ELAPOR1: variants seen among roughly 807,000 people sequenced by gnomAD.
ELAPOR1 encodes the protein endosome-lysosome associated apoptosis and autophagy regulator 1.
ELAPOR1 carries 77 observed loss-of-function variants against 119.7 expected under a neutral mutation model. That is an observed-to-expected ratio of 0.64 (90% CI 0.54 to 0.78). The LOEUF (loss-of-function observed/expected upper bound fraction) is 0.78, where lower values mean the gene tolerates loss of function less well. Among genes scored for constraint, ELAPOR1 ranks in the 30% least tolerant of loss-of-function variants. The probability of loss-of-function intolerance (pLI) is 0.00; values close to 1 mark genes in which losing one functional copy is unlikely to be tolerated. For missense variants in ELAPOR1, 1,115 were observed against 1,270.4 expected, an observed-to-expected ratio of 0.88 and a Z score of 1.86; for synonymous variants, 481 against 487.2, an observed-to-expected ratio of 0.99 and a Z score of 0.17.
intron 1 of ELAPOR1, among the ~76,000 whole-genome samples, chr1:109,159,300 A>G (rs953246140): frequency 1.3e-5 from 2 of 152,190 alleles, no homozygotes; most frequent in Admixed American, 1.3e-4. Flanking sequence ...CATGAAGTAA[A>G]TGAGCATATA....
intron 7 of ELAPOR1, among the ~76,000 whole-genome samples, chr1:109,178,602 T>G (rs1025218014): frequency 3.3e-5 from 5 of 152,170 alleles, no homozygotes; most frequent in African/African-American, 9.7e-5. Context: ...GAAAAGGAAA[T>G]GTGGTTATAT....
At chr1:109,137,783 C>T (rs1009361946) in intron 1 of ELAPOR1, among the ~76,000 whole-genome samples, 5 of 152,292 alleles carry the variant, frequency 3.3e-5, no homozygotes, top group Admixed American at 6.5e-5. Context: ...CCGCCTCGGC[C>T]CCCCAAAGTG....
chr1:109,114,631 C>T (rs1423886859), intron 1 of ELAPOR1, among the ~76,000 whole-genome samples: 1 of 151,926 alleles, frequency 6.6e-6, no homozygotes, highest in Non-Finnish European at 1.5e-5. Context: ...GGGAGGCAGA[C>T]GAGTTATTTT....
At chr1:109,136,337 A>G (rs1468365782) in intron 1 of ELAPOR1, among the ~76,000 whole-genome samples, 6 of 152,144 alleles carry the variant, frequency 3.9e-5, no homozygotes, top group African/African-American at 1.4e-4. Flanking sequence ...TGAGAGTTGG[A>G]GTTATGCTGC....
In ELAPOR1 at chr1:109,194,449, C is replaced by A. The variant is rs1419584636; in HGVS notation, c.1976C>A (p.Thr659Asn). 2.5e-6 allele frequency: 4 copies of A among 1,613,750 alleles called. No individual in the cohort carries two copies. The highest frequency in any genetic ancestry group is 3.4e-6 in the Non-Finnish European group (4 of 1,179,726). The change falls in exon 15 of 22, where the codon ACC becomes AAC. Residue 659 changes from threonine to asparagine, a missense_variant. Physicochemically the swap from Thr to Asn is moderately conservative, Grantham distance 65 (BLOSUM62 0). Coordinates refer to ENST00000369939, the MANE Select transcript of ELAPOR1 (RefSeq NM_020775.5). ...CACTCTCTGTGCTACAACGATTGCA[C>A]CTTCTCACGCAACACTCCGACCAGG... Reference protein sequence around the residue: ...KIHSLCYNDCTFSRNTPTRTF... With the variant: ...KIHSLCYNDCNFSRNTPTRTF...
intron 21 of ELAPOR1, among the ~76,000 whole-genome samples, chr1:109,201,161 C>A (rs544223631): frequency 2.6e-5 from 4 of 152,326 alleles, no homozygotes; most frequent in African/African-American, 9.6e-5. Context: ...CTGTTTGGGC[C>A]TTTTCACTTC....
At chr1:109,134,257 C>T (rs1442012231) in intron 1 of ELAPOR1, among the ~76,000 whole-genome samples, 7 of 152,166 alleles carry the variant, frequency 4.6e-5, no homozygotes, top group Admixed American at 6.5e-5. Flanking sequence ...CACAGTTTCC[C>T]GGAGGAAACA....
At chr1:109,144,061 A>ATATATATATATATATTTTTTTTTT in intron 1 of ELAPOR1, among the ~76,000 whole-genome samples, 4 of 89,016 alleles carry the variant, frequency 4.5e-5, no homozygotes, top group African/African-American at 9.6e-5. Context: ...ATATTTATAT[A>ATATATATATATATATTTTTTTTTT]TTTTTTTTTT....
At chr1:109,117,362 G>T (rs559660157) in intron 1 of ELAPOR1, among the ~76,000 whole-genome samples, 2 of 152,340 alleles carry the variant, frequency 1.3e-5, no homozygotes, top group East Asian at 3.9e-4. Context: ...TTCCCAAGGT[G>T]CAGTGAAGCA....
rs372610589 is a variant in ELAPOR1, at chr1:109,147,051, T to C, written c.154-14843T>C. 1.5e-3 allele frequency among the ~76,000 whole-genome samples: 227 copies of C among 150,842 alleles called. 6 individuals are homozygous for C. In the South Asian group the frequency reaches 0.028, roughly 19 times the overall value. On this transcript the variant is annotated intron_variant, in intron 1 of 21. Coordinates refer to ENST00000369939, the MANE Select transcript of ELAPOR1 (RefSeq NM_020775.5). ...CTCCGGAATAGCTGGGATTACAGGT[T>C]CCTGCCACTACGCCTGGCTAATTTT...
intron 7 of ELAPOR1, among the ~76,000 whole-genome samples, chr1:109,180,072 T>C (rs1322362221): frequency 6.6e-6 from 1 of 152,138 alleles, no homozygotes; most frequent in Non-Finnish European, 1.5e-5. Flanking sequence ...GTGGAATTAA[T>C]GTGGGTGGAG....
intron 7 of ELAPOR1, among the ~76,000 whole-genome samples, chr1:109,177,399 C>G (rs112427817): frequency 7.1e-4 from 61 of 86,400 alleles, no homozygotes; most frequent in South Asian, 8.1e-4. Context: ...CGGGCAGAGA[C>G]GCTCCTCACA....
intron 2 of ELAPOR1, 111 bp downstream of exon 2, chr1:109,162,125 T>TC: frequency 8.1e-7 from 1 of 1,236,050 alleles, no homozygotes; most frequent in Non-Finnish European, 1.1e-6. Context: ...CATTAAGGAA[T>TC]CAGATCTTTT....
At chr1:109,172,983 G>A (rs1250105030) in intron 5 of ELAPOR1, among the ~76,000 whole-genome samples, 1 of 151,598 alleles carries the variant, frequency 6.6e-6, no homozygotes, top group Non-Finnish European at 1.5e-5. Context: ...TGTAATCCCA[G>A]CTACTCGGGA....
intron 1 of ELAPOR1, among the ~76,000 whole-genome samples, chr1:109,150,268 C>T (rs609031): frequency 0.67 from 101,392 of 151,890 alleles, 34,971 homozygotes; most frequent in East Asian, 0.91. Flanking sequence ...GCTGTCTCTG[C>T]GGTTTATGAT....
intron 13 of ELAPOR1, 26 bp from the exon 14 acceptor site, chr1:109,192,585 C>G (rs1468695805): frequency 1.2e-6 from 2 of 1,611,836 alleles, no homozygotes; most frequent in Non-Finnish European, 1.7e-6. Context: ...CCTCTCCCCT[C>G]TCCCCTCTTG....
chr1:109,193,217 T>G (rs1234210595), intron 14 of ELAPOR1, among the ~76,000 whole-genome samples: 1 of 152,156 alleles, frequency 6.6e-6, no homozygotes, highest in Non-Finnish European at 1.5e-5. Flanking sequence ...TCAAAAATGT[T>G]CAATCCAGCC....
intron 1 of ELAPOR1, among the ~76,000 whole-genome samples, chr1:109,136,559 G>A (rs1411648425): frequency 6.6e-6 from 1 of 152,198 alleles, no homozygotes; most frequent in African/African-American, 2.4e-5. Context: ...AAAGACGAAT[G>A]CAGGCACCGT....
At chr1:109,141,880 G>A (rs1649849599) in intron 1 of ELAPOR1, among the ~76,000 whole-genome samples, 2 of 151,994 alleles carry the variant, frequency 1.3e-5, no homozygotes, top group South Asian at 4.2e-4. Context: ...GCCCAGAATG[G>A]TCTTGAACTC....
Sources: allele counts gnomAD v4.1 joint callset (sites outside exome capture counted in the v4.1 genomes callset), GRCh38; gene constraint gnomAD v4.1.1; transcripts MANE v1.5; gene names NCBI Gene and HGNC (gene_info 2026-07-23, HGNC 2026-07-21).